BEST4: variants seen among roughly 807,000 people sequenced by gnomAD.
BEST4 encodes bestrophin-4.
A neutral mutation model predicts 47.1 loss-of-function variants in BEST4; 36 were observed. The observed-to-expected ratio is 0.76, with a 90% CI of 0.59 to 1.01. BEST4 has a LOEUF of 1.01. BEST4 is among the 50% of genes least tolerant of loss of function. The probability of loss-of-function intolerance (pLI) is 0.00; values close to 1 mark genes in which losing one functional copy is unlikely to be tolerated. For missense variants in BEST4, 550 were observed against 648.6 expected (o/e 0.85, Z 1.65); for synonymous variants, 250 against 277.8 (o/e 0.90, Z 1.00).
In BEST4 at chr1:44,785,286, T is replaced by C; in HGVS notation, c.734A>G (p.Tyr245Cys). The part of the protein sequence containing the change: ...VYTQVVTIAV[Y>C]SFFALSLVGR... ...AACCAGGGAGAGGGCAAAGAAAGAG[T>C]AGACGGCTATGGTCACCACCTGGAG... Residue 245 changes from tyrosine (Y) to cysteine (C), a missense_variant, in exon 6 of 9, where the codon TAC becomes TGC. Tyr to Cys is a radical substitution (Grantham distance 194). Around this residue, in one of 3 missense-constraint regions of BEST4, gnomAD observed 291 missense variants for 342.4 expected, o/e 0.85. Coordinates refer to ENST00000372207, the MANE Select transcript of BEST4 (RefSeq NM_153274.3). The C allele has an allele frequency of 6.2e-7, 1 of 1,605,906 alleles. No homozygotes were observed. The highest frequency in any genetic ancestry group is 1.1e-5 in the South Asian group (1 of 90,028).
In BEST4 at chr1:44,786,743, C is replaced by A; in HGVS notation, c.248-47G>T. 6.8e-7 allele frequency: 1 copy of A among 1,461,982 alleles called. No individual in the cohort carries two copies. Among genetic ancestry groups the A allele is most frequent in the Non-Finnish European group, 9.3e-7 (1 of 1,076,490 alleles). 90.6% of individuals were successfully genotyped at this position (1,461,982 alleles called of 1,614,324 possible). On this transcript the variant is annotated intron_variant, in intron 2 of 8. Transcript: ENST00000372207. This position sits in a 1 kb window ranked among gnomAD's most constrained non-coding sequence, Gnocchi z 4.9. ...GGGAGTAGGAAGGGAGAGTGGAGAG[C>A]CTGGGGGTCGGAGCGCCTCACCTCC...
Position 44,786,134 on chromosome 1 carries a change from C to G in BEST4, c.576G>C (p.Ala192=). 1 of 1,614,026 alleles carries G rather than the reference C, an allele frequency of 6.2e-7. No individual in the cohort carries two copies. The highest frequency in any genetic ancestry group is 8.5e-7 in the Non-Finnish European group (1 of 1,179,958). The change falls in exon 4 of 9, where the codon GCG becomes GCC. Residue 192 remains alanine (A), a synonymous_variant. Coordinates refer to ENST00000372207, the MANE Select transcript of BEST4 (RefSeq NM_153274.3). The surrounding 1 kb of genome is among the most constrained non-coding windows in gnomAD (Gnocchi z 4.9). ...WVPCVWFTNL[A]AQARRDGRIR... is the part of the protein sequence containing the mutation. ...TTCGCCCGTCCCTCCGGGCCTGGGC[C>G]GCCAGGTTGGTGAACCAGACGCAGG...
In BEST4 at chr1:44,786,435, C is replaced by A. The variant is rs1279006690; in HGVS notation, c.481+28G>T. ...ACCTGCATCCGGCTGTGGGCCGGAC[C>A]CCCAGAGGCTCCCGGCGGGCGGCGC... On this transcript the variant is annotated intron_variant, in intron 3 of 8. Transcript: ENST00000372207. The surrounding 1 kb of genome is among the most constrained non-coding windows in gnomAD (Gnocchi z 4.9). The A allele has an allele frequency of 2.7e-6, 4 of 1,488,676 alleles. No homozygotes were observed. In the South Asian group the frequency reaches 3.9e-5, roughly 14 times the overall value. 92.2% of individuals were successfully genotyped at this position (1,488,676 alleles called of 1,614,324 possible).
At chr1:44,789,756 G>A (rs1294799954), upstream of BEST4, among the ~76,000 whole-genome samples, 3 of 152,156 alleles carry the variant, frequency 2.0e-5, no homozygotes, top group Non-Finnish European at 4.4e-5. Flanking sequence ...CAAAGTGGAA[G>A]AGAATTGGCA....
chr1:44,787,262 T>C (rs1651276038), intron 2 of BEST4, 110 bp downstream of exon 2: 8 of 1,063,708 alleles, frequency 7.5e-6, no homozygotes, highest in Admixed American at 1.8e-5. Flanking sequence ...ACTGCAGGTG[T>C]GTCACCACAC....
chr1:44,789,051 T>G (rs939317560), upstream of BEST4, among the ~76,000 whole-genome samples: 1 of 151,906 alleles, frequency 6.6e-6, no homozygotes, highest in Non-Finnish European at 1.5e-5. Flanking sequence ...GGTCAGGAGT[T>G]CGAGACTAGC....
upstream of BEST4, among the ~76,000 whole-genome samples, chr1:44,791,007 CCTT>C (rs1334556783): frequency 6.6e-6 from 1 of 152,128 alleles, no homozygotes; most frequent in African/African-American, 2.4e-5. Context: ...ATCCTTCCCT[CCTT>C]CTTGCCTCCC....
At chr1:44,783,473 CA>C (rs1651101296), downstream of BEST4, 1 of 152,108 alleles carries the variant, frequency 6.6e-6, no homozygotes, top group Non-Finnish European at 1.5e-5. Flanking sequence ...GACAGATTCC[CA>C]AACCCTTCCT....
chr1:44,785,562 A>T (rs1265510166), intron 5 of BEST4, 37 bp downstream of exon 5: 2 of 1,505,232 alleles, frequency 1.3e-6, no homozygotes, highest in Non-Finnish European at 1.8e-6. Context: ...CAGGACATAC[A>T]GTAGGCACTG....
In BEST4 at chr1:44,786,332, G is replaced by C; in HGVS notation, c.482-104C>G. On this transcript the variant is annotated intron_variant, in intron 3 of 8. Coordinates refer to ENST00000372207, the MANE Select transcript of BEST4 (RefSeq NM_153274.3). The surrounding 1 kb of genome is among the most constrained non-coding windows in gnomAD (Gnocchi z 4.9). ...TCCCTCGCGTCCACCGGCTGTCCCA[G>C]GACTCGCGGTTCCGCGTTCCTGTCG... The C allele has an allele frequency of 6.8e-7, 1 of 1,475,918 alleles. No homozygotes were observed. The highest frequency in any genetic ancestry group is 9.1e-7 in the Non-Finnish European group (1 of 1,101,196). The allele number at this position is 1,475,918 out of a possible 1,614,324, so 91.4% of individuals were successfully genotyped here.
intron 4 of BEST4, among the ~76,000 whole-genome samples, 155 bp from the exon 5 acceptor site, chr1:44,785,831 A>G (rs1557613380): frequency 1.3e-5 from 2 of 152,132 alleles, no homozygotes; most frequent in Non-Finnish European, 2.9e-5. Flanking sequence ...TCTGCTAACT[A>G]GCTGTGTAAC....
At position 44,784,738 on chromosome 1, in the gene BEST4, C is replaced by CG; in HGVS notation, c.1038dup (p.Ala347ArgfsTer2). 1 of 1,602,306 alleles carries CG rather than the reference C, an allele frequency of 6.2e-7. No homozygotes were observed. The highest frequency in any genetic ancestry group is 1.1e-5 in the South Asian group (1 of 89,628). On this transcript the variant is annotated frameshift_variant, in exon 8 of 9. Transcript: ENST00000372207. LOFTEE classifies it high-confidence loss of function. The surrounding 1 kb of genome is among the most constrained non-coding windows in gnomAD (Gnocchi z 6.2). ...TCATCCCAGTACTGGTCCTTCTCAG[C>CG]GGGGGGAAGGTTCTGGTACATTTCG...
rs1651234447 is a variant in BEST4, at chr1:44,786,393, G to A, written c.481+70C>T. The A allele has an allele frequency of 1.4e-6, 2 of 1,441,966 alleles. No homozygotes were observed. The highest frequency in any genetic ancestry group is 1.4e-5 in the African/African-American group (1 of 70,386). 89.3% of individuals were successfully genotyped at this position (1,441,966 alleles called of 1,614,324 possible). A position where few individuals can be genotyped will look rare whatever the true frequency, so the allele number is the denominator to read the frequency against. ...CCTTCCCTGGAGGCCCCTGCTCCCA[G>A]GACTCTCCCAGGCGCCACCTGCATC... On this transcript the variant is annotated intron_variant, in intron 3 of 8. Coordinates refer to ENST00000372207, the MANE Select transcript of BEST4 (RefSeq NM_153274.3). The surrounding 1 kb of genome is among the most constrained non-coding windows in gnomAD (Gnocchi z 4.9).
In BEST4 at chr1:44,784,980, A is replaced by C; in HGVS notation, c.918T>G (p.Ala306=). ...FFFYAGWLKV[A]EQIINPFGED... ...CACCAAATGGGTTGATGATCTGTTC[A>C]GCCACCTATAGGTGGCAGAGACAGG... is the stretch of plus-strand genomic sequence containing the variant. The change falls in exon 7 of 9, where the codon GCT becomes GCG. Residue 306 remains alanine (A), a synonymous_variant. Transcript: ENST00000372207. This position sits in a 1 kb window ranked among gnomAD's most constrained non-coding sequence, Gnocchi z 6.2. 6.2e-7 allele frequency: 1 copy of C among 1,613,912 alleles called. No homozygotes were observed. Among genetic ancestry groups the C allele is most frequent in the Non-Finnish European group, 8.5e-7 (1 of 1,179,850 alleles).
At chr1:44,785,763 A>C in intron 4 of BEST4, 87 bp from the exon 5 acceptor site, 1 of 1,180,278 alleles carries the variant, frequency 8.5e-7, no homozygotes, top group Non-Finnish European at 1.2e-6. Context: ...CCTGGCCAGG[A>C]GGCTCTTTCT....
At chr1:44,785,745 G>T in intron 4 of BEST4, 69 bp from the exon 5 acceptor site, 1 of 1,338,976 alleles carries the variant, frequency 7.5e-7, no homozygotes, top group Non-Finnish European at 1.0e-6. Flanking sequence ...GCACAAACTA[G>T]GCCTGGGCCT....
In BEST4 at chr1:44,785,198, G is replaced by A; in HGVS notation, c.822C>T (p.Gly274=). 1 of 1,613,936 alleles carries A rather than the reference G, an allele frequency of 6.2e-7. No individual in the cohort carries two copies. The highest frequency in any genetic ancestry group is 8.5e-7 in the Non-Finnish European group (1 of 1,179,992). ...AAKPQKLLKP[G]QEPAPALGDP... is the part of the protein sequence containing the mutation. ...CTCCCAGGGCTGGGGCTGGCTCCTG[G>A]CCTGGCTTCAGAAGCTTCTGAGGTT... The change falls in exon 6 of 9, where the codon GGC becomes GGT. Residue 274 remains glycine, a synonymous_variant. Transcript: ENST00000372207.
At position 44,786,605 on chromosome 1, in the gene BEST4, G is replaced by A. The variant is rs1162673143; in HGVS notation, c.339C>T (p.Ser113=). 2 of 1,551,136 alleles carry A rather than the reference G, an allele frequency of 1.3e-6. No individual in the cohort carries two copies. Among genetic ancestry groups the A allele is most frequent in the South Asian group, 2.4e-5 (2 of 84,056 alleles). Residue 113 remains serine, a synonymous_variant, in exon 3 of 9, where the codon AGC becomes AGT. Coordinates refer to ENST00000372207, the MANE Select transcript of BEST4 (RefSeq NM_153274.3). The surrounding 1 kb of genome is among the most constrained non-coding windows in gnomAD (Gnocchi z 4.9). ...GGCCCCGCTGGTCCACGCCGTGCACGCTAGCCGAGATGACGCACATCAGCT... is the reference window on the plus strand; with the variant it reads ...GGCCCCGCTGGTCCACGCCGTGCACACTAGCCGAGATGACGCACATCAGCT... ...PDQLMCVISA[S]VHGVDQRGRL...
In BEST4 at chr1:44,784,267, G is replaced by A; in HGVS notation, c.1365C>T (p.Ala455=). 6.9e-7 allele frequency: 1 copy of A among 1,443,344 alleles called. No individual in the cohort carries two copies. Among genetic ancestry groups the A allele is most frequent in the South Asian group, 1.4e-5 (1 of 71,892 alleles). 89.4% of individuals were successfully genotyped at this position (1,443,344 alleles called of 1,614,324 possible). The change falls in exon 9 of 9, where the codon GCC becomes GCT. Residue 455 remains alanine, a synonymous_variant. Transcript: ENST00000372207. This position sits in a 1 kb window ranked among gnomAD's most constrained non-coding sequence, Gnocchi z 6.2. ...CCGATTCCTCCTCGATGCGGGCTGC[G>A]GCCTCGGGGTCGCCGCCCTCCTCCG... ...FRAEEGGDPE[A]AARIEEESAE... is the part of the protein sequence containing the mutation.
Sources: gnomAD v4.1 joint callset for allele counts (sites outside exome capture counted in the v4.1 genomes callset) on GRCh38, gnomAD v4.1.1 for gene constraint, gnomAD v4.1.1 regional missense constraint, Gnocchi (gnomAD v3.1) non-coding constraint, MANE v1.5 for transcripts, NCBI Gene and HGNC (gene_info 2026-07-23, HGNC 2026-07-21) for gene names.